The following DCC variants were observed in gnomAD, a reference collection of about 807,000 sequenced individuals.
DCC encodes DCC netrin 1 receptor.
In DCC, 58 loss-of-function variants were observed where a neutral mutation model predicts 172.5. The observed-to-expected ratio is 0.34, with a 90% CI of 0.27 to 0.42. The LOEUF (loss-of-function observed/expected upper bound fraction) is 0.42. DCC is among the 10% of genes least tolerant of loss of function. The pLI is 1.00. For synonymous variants in DCC, 709 were observed against 644.5 expected, an observed-to-expected ratio of 1.10 and a Z score of -1.52; for missense variants, 1,740 against 1,791.0, an observed-to-expected ratio of 0.97 and a Z score of 0.51.
intron 9 of DCC, among the ~76,000 whole-genome samples, chr18:53,185,225 T>C (rs993575109): frequency 6.6e-6 from 1 of 152,184 alleles, no homozygotes; most frequent in African/African-American, 2.4e-5. Context: ...TTCATTTAGA[T>C]TTAATGGTCA....
At chr18:53,277,589 T>G (rs1258055706) in intron 12 of DCC, among the ~76,000 whole-genome samples, 1 of 152,156 alleles carries the variant, frequency 6.6e-6, no homozygotes, top group African/African-American at 2.4e-5. Context: ...GTCTCCTCCC[T>G]TTTGCAGTTT....
rs111676737 is a variant in DCC at position 53,190,904 on chromosome 18, T to C, written c.1573+11788T>C. On this transcript the variant is annotated intron_variant, in intron 9 of 28. Coordinates refer to ENST00000442544, the MANE Select transcript of DCC (RefSeq NM_005215.4). ...GAGCTTGCAGTGAGCCGAGATCGCG[T>C]CACTGCACTCTTGCCTGGGAGACAG... Among the ~76,000 whole-genome samples, 4 of 152,174 alleles carry C rather than the reference T, an allele frequency of 2.6e-5. 1 individual carries two copies. Among genetic ancestry groups the C allele is most frequent in the African/African-American group, 7.2e-5 (3 of 41,498 alleles).
At chr18:52,913,412 C>A (rs9963248) in intron 3 of DCC, among the ~76,000 whole-genome samples, 60,423 of 151,846 alleles carry the variant, frequency 0.4, 12,581 homozygotes, top group Non-Finnish European at 0.47. Flanking sequence ...CAAGCTGAAC[C>A]TTTAAAAACT....
intron 1 of DCC, among the ~76,000 whole-genome samples, chr18:52,589,193 G>T (rs533286835): frequency 6.6e-6 from 1 of 152,078 alleles, no homozygotes; most frequent in Non-Finnish European, 1.5e-5. Flanking sequence ...AGGATCTGGG[G>T]GGTCAGTGAG....
intron 2 of DCC, among the ~76,000 whole-genome samples, chr18:52,888,060 C>T (rs1195220249): frequency 1.3e-5 from 2 of 152,166 alleles, no homozygotes; most frequent in Non-Finnish European, 2.9e-5. Context: ...TTTTATATCA[C>T]AAAGAATTAA....
chr18:52,738,124 T>C (rs1213877156), intron 1 of DCC, among the ~76,000 whole-genome samples: 2 of 152,198 alleles, frequency 1.3e-5, no homozygotes, highest in Non-Finnish European at 1.5e-5. Flanking sequence ...ATCTGGCCCT[T>C]GATGGAAAGT....
chr18:52,870,686 G>GCCCCACC (rs999980054), intron 2 of DCC, among the ~76,000 whole-genome samples: 3 of 130,584 alleles, frequency 2.3e-5, no homozygotes, highest in East Asian at 4.5e-4. Flanking sequence ...TCAGTCCCGT[G>GCCCCACC]CCCCACCCCC....
intron 1 of DCC, among the ~76,000 whole-genome samples, chr18:52,478,221 ACCCTATGGTTGTG>A (rs1989151439): frequency 6.6e-6 from 1 of 152,132 alleles, no homozygotes; most frequent in Admixed American, 6.5e-5. Context: ...TGACATCAGT[ACCCTATGGTTGTG>A]CCCTCAATAG....
At chr18:53,403,097 C>G (rs923640904) in intron 19 of DCC, among the ~76,000 whole-genome samples, 1 of 151,704 alleles carries the variant, frequency 6.6e-6, no homozygotes, top group Non-Finnish European at 1.5e-5. Context: ...CACACACACA[C>G]ACACACACAC....
chr18:52,567,676 G>A (rs555119150), intron 1 of DCC, among the ~76,000 whole-genome samples: 2 of 152,236 alleles, frequency 1.3e-5, no homozygotes, highest in Admixed American at 1.3e-4. Flanking sequence ...GGGATGAAAG[G>A]AGGATGAGTG....
At chr18:52,506,517 G>C (rs1000524539) in intron 1 of DCC, among the ~76,000 whole-genome samples, 10 of 152,070 alleles carry the variant, frequency 6.6e-5, no homozygotes, top group Non-Finnish European at 1.3e-4. Context: ...GATTCTGGTT[G>C]TATGTGCTCA....
intron 1 of DCC, among the ~76,000 whole-genome samples, chr18:52,371,903 A>G (rs1308265990): frequency 6.6e-6 from 1 of 152,172 alleles, no homozygotes; most frequent in Non-Finnish European, 1.5e-5. Context: ...CAATGCTTTG[A>G]TAATAAAGAA....
At chr18:53,172,210 T>C (rs2055024266) in intron 8 of DCC, among the ~76,000 whole-genome samples, 1 of 152,076 alleles carries the variant, frequency 6.6e-6, no homozygotes, top group African/African-American at 2.4e-5. Context: ...CTAAATAAAT[T>C]AATGCAGGAA....
chr18:53,216,747 G>A, intron 12 of DCC, among the ~76,000 whole-genome samples: 1 of 152,030 alleles, frequency 6.6e-6, no homozygotes, highest in East Asian at 1.9e-4. Context: ...ATACTTTTAG[G>A]CAATATGTTG....
intron 20 of DCC, 23 bp downstream of exon 20, chr18:53,410,669 CT>C: frequency 7.1e-7 from 1 of 1,398,772 alleles, no homozygotes; most frequent in Non-Finnish European, 1.0e-6. Context: ...TCCTATTATG[CT>C]TTTCTTTTCC....
chr18:52,884,269 C>T (rs1435386823), intron 2 of DCC, among the ~76,000 whole-genome samples: 1 of 152,004 alleles, frequency 6.6e-6, no homozygotes, highest in African/African-American at 2.4e-5. Flanking sequence ...CTGATAGTAT[C>T]CCTTTAAATA....
At chr18:52,448,081 G>A (rs1474851292) in intron 1 of DCC, among the ~76,000 whole-genome samples, 3 of 152,132 alleles carry the variant, frequency 2.0e-5, no homozygotes, top group Admixed American at 6.5e-5. Flanking sequence ...GTTAGGAACC[G>A]GGCCGCACAG....
At chr18:52,409,279 C>T (rs1478494737) in intron 1 of DCC, 2 of 152,032 alleles carry the variant, frequency 1.3e-5, no homozygotes, top group Non-Finnish European at 2.9e-5. Context: ...GGATGCTATC[C>T]AAAGGCAACT....
chr18:53,469,944 G>A (rs887168220), intron 25 of DCC, among the ~76,000 whole-genome samples: 2 of 152,066 alleles, frequency 1.3e-5, no homozygotes, highest in African/African-American at 4.8e-5. Flanking sequence ...AGTTGACATA[G>A]GTTCTCACTT....
Sources: gnomAD v4.1 joint callset for allele counts (sites outside exome capture counted in the v4.1 genomes callset) on GRCh38, gnomAD v4.1.1 for gene constraint, MANE v1.5 for transcripts, NCBI Gene and HGNC (gene_info 2026-07-23, HGNC 2026-07-21) for gene names.